ERBB4: variants seen among roughly 807,000 people sequenced by gnomAD.
ERBB4 encodes the protein erb-b2 receptor tyrosine kinase 4.
In ERBB4, 42 loss-of-function variants were observed where a neutral mutation model predicts 158.0. The ratio of observed to expected loss-of-function variants is 0.27; its 90% CI spans 0.21 to 0.34. The LOEUF is 0.34. ERBB4 is among the 10% of genes least tolerant of loss of function. The pLI, the probability that ERBB4 is intolerant of heterozygous loss-of-function variation, is 1.00. For synonymous variants in ERBB4, 583 were observed against 558.7 expected (o/e 1.04, Z -0.61); for missense variants, 1,333 against 1,624.1 (o/e 0.82, Z 3.08).
At chr2:211,494,844 C>T (rs1225507636) in intron 20 of ERBB4, among the ~76,000 whole-genome samples, 2 of 152,090 alleles carry the variant, frequency 1.3e-5, no homozygotes, top group Non-Finnish European at 2.9e-5. Context: ...ATTCACTGTG[C>T]ACCTCCTTGG....
chr2:212,082,967 G>T (rs562896932), intron 2 of ERBB4, among the ~76,000 whole-genome samples: 2 of 152,010 alleles, frequency 1.3e-5, no homozygotes, highest in African/African-American at 2.4e-5. Context: ...AATACAATAG[G>T]TGTTCAGCAT....
At chr2:212,442,288 C>G (rs181820887) in intron 1 of ERBB4, among the ~76,000 whole-genome samples, 53 of 152,212 alleles carry the variant, frequency 3.5e-4, no homozygotes, top group African/African-American at 1.0e-3. Flanking sequence ...GGCCCCTCAA[C>G]AAATTTCCAT....
chr2:211,657,933 G>C (rs770189522), intron 15 of ERBB4, 105 bp from the exon 16 acceptor site: 1 of 1,609,164 alleles, frequency 6.2e-7, no homozygotes, highest in African/African-American at 1.3e-5. Flanking sequence ...AACATGGGAA[G>C]CAAGCACACC....
chr2:211,634,141 T>G (rs2070265228), intron 16 of ERBB4, among the ~76,000 whole-genome samples: 2 of 152,188 alleles, frequency 1.3e-5, no homozygotes, highest in Admixed American at 1.3e-4. Context: ...TTATATTCCT[T>G]TTGAAATAAA....
At chr2:211,687,536 G>A (rs368712303) in intron 12 of ERBB4, among the ~76,000 whole-genome samples, 4 of 150,444 alleles carry the variant, frequency 2.7e-5, no homozygotes, top group East Asian at 1.9e-4. Flanking sequence ...TTTGTTTGTT[G>A]TTTTTAGCAT....
chr2:212,446,556 A>C (rs1333784206), intron 1 of ERBB4, among the ~76,000 whole-genome samples: 3 of 114,276 alleles, frequency 2.6e-5, no homozygotes, highest in South Asian at 2.9e-4. Flanking sequence ...GTGATCATGT[A>C]AGTTAATACT....
chr2:212,179,120 T>C lies in ERBB4; in HGVS notation c.83-54217A>G, dbSNP rs183111642. Among the ~76,000 whole-genome samples, 329 of 151,768 alleles carry C rather than the reference T, an allele frequency of 2.2e-3. 2 individuals are homozygous for C. The highest frequency in any genetic ancestry group is 4.6e-3 in the Admixed American group (70 of 15,174). ...TTGGTAAGACATAGAATCATTATAC[T>C]GGAGTATGTAAAGCTCCTATGTCTT... On this transcript the variant is annotated intron_variant, in intron 1 of 27. Coordinates refer to ENST00000342788, the MANE Select transcript of ERBB4 (RefSeq NM_005235.3).
chr2:211,816,027 T>A (rs1485341097), intron 3 of ERBB4, among the ~76,000 whole-genome samples: 1 of 152,088 alleles, frequency 6.6e-6, no homozygotes, highest in Non-Finnish European at 1.5e-5. Context: ...GTTTTGAGGC[T>A]TTCTGACTCG....
chr2:211,922,947 G>A (rs993994934), intron 3 of ERBB4, among the ~76,000 whole-genome samples: 1 of 152,126 alleles, frequency 6.6e-6, no homozygotes, highest in South Asian at 2.1e-4. Flanking sequence ...TTGTGAGATT[G>A]TGAATAAATG....
intron 1 of ERBB4, among the ~76,000 whole-genome samples, chr2:212,296,631 A>G (rs2086422355): frequency 2.0e-5 from 3 of 151,954 alleles, no homozygotes; most frequent in Admixed American, 6.6e-5. Flanking sequence ...GCCTTGCGCC[A>G]TAACTCTGCA....
intron 12 of ERBB4, among the ~76,000 whole-genome samples, chr2:211,691,822 A>G (rs994133993): frequency 6.6e-6 from 1 of 152,092 alleles, no homozygotes; most frequent in Non-Finnish European, 1.5e-5. Flanking sequence ...CAGAAAACTG[A>G]CATGGGCAGC....
intron 1 of ERBB4, among the ~76,000 whole-genome samples, chr2:212,258,968 C>T (rs2084838112): frequency 6.6e-6 from 1 of 152,078 alleles, no homozygotes; most frequent in Non-Finnish European, 1.5e-5. Flanking sequence ...GTGAAGTCTA[C>T]TGGTGCTCAC....
intron 3 of ERBB4, among the ~76,000 whole-genome samples, chr2:211,885,444 C>A (rs1022221750): frequency 3.3e-5 from 5 of 151,746 alleles, no homozygotes; most frequent in Non-Finnish European, 7.4e-5. Context: ...AATAGAGAAA[C>A]AACTGCTATA....
intron 20 of ERBB4, among the ~76,000 whole-genome samples, chr2:211,456,918 T>C (rs1207020853): frequency 1.3e-5 from 2 of 152,214 alleles, no homozygotes; most frequent in African/African-American, 4.8e-5. Context: ...TATGGCTCTG[T>C]GGTCCTGGGG....
chr2:211,610,458 T>C (rs939833904), intron 19 of ERBB4, among the ~76,000 whole-genome samples: 1 of 152,176 alleles, frequency 6.6e-6, no homozygotes, highest in Non-Finnish European at 1.5e-5. Context: ...TTTTGGAAAT[T>C]CTATTTTCTG....
intron 1 of ERBB4, among the ~76,000 whole-genome samples, chr2:212,521,120 T>C (rs968143641): frequency 2.0e-5 from 3 of 151,954 alleles, no homozygotes; most frequent in African/African-American, 7.2e-5. Flanking sequence ...TATTGAAGTT[T>C]AAATGCCTAT....
Position 212,446,626 on chromosome 2 carries a change from T to TAATAGG in ERBB4, c.82+91822_82+91823insCCTATT, listed in dbSNP as rs1299001389. ...ATATATATATATATATATATATATATATATATATATATCCTATTAGTTCTG... is the reference window on the plus strand; with the variant it reads ...ATATATATATATATATATATATATATAATAGGATATATATATATCCTATTAGTTCTG... On this transcript the variant is annotated intron_variant, in intron 1 of 27. Transcript: ENST00000342788. 9.5e-4 allele frequency among the ~76,000 whole-genome samples: 80 copies of TAATAGG among 84,314 alleles called. 4 individuals are homozygous for TAATAGG. The highest frequency in any genetic ancestry group is 3.4e-3 in the African/African-American group (80 of 23,838). 55.3% of individuals were successfully genotyped at this position (84,314 alleles called of 152,430 possible).
At chr2:211,899,086 AAAGAAGAGAAGC>A (rs1410158299) in intron 3 of ERBB4, among the ~76,000 whole-genome samples, 1 of 152,156 alleles carries the variant, frequency 6.6e-6, no homozygotes, top group Non-Finnish European at 1.5e-5. Flanking sequence ...GGGCATTTGA[AAAGAAGAGAAGC>A]AAGACAAAAA....
chr2:212,213,704 G>A (rs968386779), intron 1 of ERBB4, among the ~76,000 whole-genome samples: 1 of 151,752 alleles, frequency 6.6e-6, no homozygotes, highest in African/African-American at 2.4e-5. Flanking sequence ...TGATCTAATG[G>A]CAAAGGCTCT....
Sources: gnomAD v4.1 joint callset for allele counts (sites outside exome capture counted in the v4.1 genomes callset) on GRCh38, gnomAD v4.1.1 for gene constraint, MANE v1.5 for transcripts, NCBI Gene and HGNC (gene_info 2026-07-23, HGNC 2026-07-21) for gene names.